GPBP1: variants seen among roughly 807,000 people sequenced by gnomAD.
The protein encoded by GPBP1 is vasculin.
A neutral mutation model predicts 56.5 loss-of-function variants in GPBP1; 13 were observed. That is an observed-to-expected ratio of 0.23 (90% CI 0.15 to 0.37). The LOEUF is 0.37. Ranked by LOEUF, GPBP1 falls within the 10% of genes least tolerant of loss-of-function variation. GPBP1 has a pLI of 1.00. For missense variants in GPBP1, 477 were observed against 572.3 expected (o/e 0.83, Z 1.70); for synonymous variants, 204 against 188.9 (o/e 1.08, Z -0.66).
intron 3 of GPBP1, among the ~76,000 whole-genome samples, chr5:57,219,391 A>AAC (rs1755835189): frequency 3.1e-5 from 2 of 64,424 alleles, no homozygotes; most frequent in Non-Finnish European, 5.2e-5. Flanking sequence ...AAAAAAAAAA[A>AAC]AAAAAAAAAA....
rs552251497 is a variant in GPBP1, at chr5:57,183,097, G to A, written c.-58+6697G>A. 2.6e-5 allele frequency among the ~76,000 whole-genome samples: 4 copies of A among 152,304 alleles called. No individual in the cohort carries two copies. The South Asian group carries it at 6.2e-4, about 24-fold the overall frequency. On this transcript the variant is annotated intron_variant, in intron 2 of 11. Coordinates refer to ENST00000506184, the MANE Select transcript of GPBP1 (RefSeq NM_022913.4). The stretch of plus-strand genomic sequence containing the variant: ...AAAACTCTTAGTTGCCAGGCATGGT[G>A]GCTCATGCCTGTAATCCCAGCACTT...
chr5:57,188,869 G>A (rs1380653194), intron 2 of GPBP1, among the ~76,000 whole-genome samples: 4 of 152,102 alleles, frequency 2.6e-5, no homozygotes, highest in Admixed American at 2.0e-4. Flanking sequence ...ATCATCTTTG[G>A]CTTTCTTCTT....
rs1741971488 is a variant in GPBP1 at position 57,263,101 on chromosome 5, TG to T, written c.*350del. 6.1e-6 allele frequency: 1 copy of T among 165,146 alleles called. No individual in the cohort carries two copies. Among genetic ancestry groups the T allele is most frequent in the Non-Finnish European group, 1.3e-5 (1 of 76,458 alleles). 10.2% of individuals were successfully genotyped at this position (165,146 alleles called of 1,614,324 possible). On this transcript the variant is annotated 3_prime_UTR_variant, in exon 12 of 12. Transcript: ENST00000506184. The stretch of plus-strand genomic sequence containing the variant: ...GTTTTGCAAAGCTTCTGTCTTAAAA[TG>T]TCCAGGTCTTAAGAAAAAAGGCAGC...
chr5:57,202,654 T>C (rs1199979014), intron 2 of GPBP1, among the ~76,000 whole-genome samples: 2 of 152,172 alleles, frequency 1.3e-5, no homozygotes, highest in African/African-American at 4.8e-5. Context: ...TTTTGGTAAG[T>C]ATTTCAGAGA....
At chr5:57,177,203 C>T (rs1156412457) in intron 2 of GPBP1, among the ~76,000 whole-genome samples, 1 of 151,754 alleles carries the variant, frequency 6.6e-6, no homozygotes, top group Admixed American at 6.6e-5. Context: ...GAATTAATTG[C>T]TATAATAGAA....
At chr5:57,201,467 G>A (rs1019044324) in intron 2 of GPBP1, among the ~76,000 whole-genome samples, 8 of 152,074 alleles carry the variant, frequency 5.3e-5, no homozygotes, top group Admixed American at 1.3e-4. Context: ...AATTATAGGC[G>A]TGAGCCACTG....
At chr5:57,216,892 A>G (rs114230272) in intron 3 of GPBP1, among the ~76,000 whole-genome samples, 1 of 151,184 alleles carries the variant, frequency 6.6e-6, no homozygotes, top group Non-Finnish European at 1.5e-5. Context: ...TATAAATAAG[A>G]CTCGAATGGC....
chr5:57,184,259 G>A (rs1417272259), intron 2 of GPBP1, among the ~76,000 whole-genome samples: 1 of 151,928 alleles, frequency 6.6e-6, no homozygotes, highest in Admixed American at 6.6e-5. Flanking sequence ...GGTTTATTGG[G>A]GTGTAATGTA....
chr5:57,175,913 C>T lies in GPBP1; in HGVS notation c.-545C>T. The T allele has an allele frequency of 2.5e-6, 1 of 398,388 alleles. No homozygotes were observed. Among genetic ancestry groups the T allele is most frequent in the Non-Finnish European group, 4.4e-6 (1 of 225,962 alleles). 24.7% of individuals were successfully genotyped at this position (398,388 alleles called of 1,614,324 possible). A position where few individuals can be genotyped will look rare whatever the true frequency, so the allele number is the denominator to read the frequency against. ...TTCATGTCACAATGGGACACTTTTT[C>T]TGAATGAAGAGATTGAAAGAATACA... On this transcript the variant is annotated 5_prime_UTR_variant, in exon 2 of 12. Coordinates refer to ENST00000506184, the MANE Select transcript of GPBP1 (RefSeq NM_022913.4).
intron 6 of GPBP1, among the ~76,000 whole-genome samples, chr5:57,239,221 A>C (rs1740694783): frequency 6.6e-6 from 1 of 152,186 alleles, no homozygotes; most frequent in South Asian, 2.1e-4. Flanking sequence ...AGGGAAAATT[A>C]ATAGGATTTG....
At position 57,174,106 on chromosome 5, in the gene GPBP1, G is replaced by A. The variant is rs1472654740; in HGVS notation, c.-1116G>A. 1 of 153,048 alleles carries A rather than the reference G, an allele frequency of 6.5e-6. No homozygotes were observed. Among genetic ancestry groups the A allele is most frequent in the Non-Finnish European group, 1.5e-5 (1 of 68,428 alleles). 9.5% of individuals were successfully genotyped at this position (153,048 alleles called of 1,614,324 possible). On this transcript the variant is annotated 5_prime_UTR_variant, in exon 1 of 12. Transcript: ENST00000506184. ...TTTTGGGACTGAGACTGGTTGTGGG[G>A]GAGGGAAAAGCGGCAAAAGGGGATT...
At chr5:57,249,765 C>A (rs1741273575) in intron 9 of GPBP1, among the ~76,000 whole-genome samples, 189 bp downstream of exon 9, 1 of 102,876 alleles carries the variant, frequency 9.7e-6, no homozygotes, top group Non-Finnish European at 2.0e-5. Context: ...CCCCCTCCCC[C>A]TTCCCCTCTC....
chr5:57,221,797 G>A (rs912634170), intron 3 of GPBP1, among the ~76,000 whole-genome samples: 1 of 152,178 alleles, frequency 6.6e-6, no homozygotes, highest in Non-Finnish European at 1.5e-5. Flanking sequence ...CGATGAAAAT[G>A]TAGGCTATTT....
intron 10 of GPBP1, among the ~76,000 whole-genome samples, chr5:57,260,288 G>T (rs1340045181): frequency 6.6e-6 from 1 of 152,108 alleles, no homozygotes; most frequent in African/African-American, 2.4e-5. Context: ...TGCTGCTTCT[G>T]TGAGGGCTTC....
chr5:57,249,745 C>T (rs1741270887), intron 9 of GPBP1, among the ~76,000 whole-genome samples, 169 bp downstream of exon 9: 1 of 128,988 alleles, frequency 7.8e-6, no homozygotes, highest in Non-Finnish European at 1.7e-5. Flanking sequence ...CTTTTCTCGC[C>T]TCCCCCCTTC....
Position 57,231,202 on chromosome 5 carries a change from C to T in GPBP1, c.292C>T (p.Arg98Cys), listed in dbSNP as rs1047864735. 1.9e-6 allele frequency: 3 copies of T among 1,614,032 alleles called. No individual in the cohort carries two copies. The highest frequency in any genetic ancestry group is 1.7e-5 in the Admixed American group (1 of 60,016). The change falls in exon 5 of 12, where the codon CGT becomes TGT. Residue 98 changes from arginine (R) to cysteine (C), a missense_variant. Physicochemically the swap from Arg to Cys is radical, Grantham distance 180. Coordinates refer to ENST00000506184, the MANE Select transcript of GPBP1 (RefSeq NM_022913.4). ...GGYHGGSSRS[R>C]SSIFHAGKSQ... ...ATACCATGGTGGAAGTTCCCGTTCT[C>T]GTAGCAGTATTTTCCATGCAGGAAA... is the stretch of plus-strand genomic sequence containing the variant.
intron 2 of GPBP1, among the ~76,000 whole-genome samples, chr5:57,202,128 G>A (rs918073082): frequency 6.6e-6 from 1 of 152,098 alleles, no homozygotes; most frequent in African/African-American, 2.4e-5. Flanking sequence ...CTAGTAGCTG[G>A]GACTACGGGT....
intron 3 of GPBP1, among the ~76,000 whole-genome samples, chr5:57,220,963 A>G (rs1018555959): frequency 6.6e-6 from 1 of 152,078 alleles, no homozygotes; most frequent in Non-Finnish European, 1.5e-5. Flanking sequence ...TTCTCTTTTT[A>G]ATATTGTTCT....
intron 7 of GPBP1, 93 bp downstream of exon 7, chr5:57,246,577 G>T: frequency 9.7e-7 from 1 of 1,035,534 alleles, no homozygotes; most frequent in Non-Finnish European, 1.4e-6. Flanking sequence ...AGTGTGTATG[G>T]AGGTACTTCG....
Sources: gnomAD v4.1 joint callset for allele counts (sites outside exome capture counted in the v4.1 genomes callset) on GRCh38, gnomAD v4.1.1 for gene constraint, MANE v1.5 for transcripts, NCBI Gene and HGNC (gene_info 2026-07-23, HGNC 2026-07-21) for gene names.